ANO10: variants seen among roughly 807,000 people sequenced by gnomAD.
The protein encoded by ANO10 is anoctamin-10.
In ANO10, 77 loss-of-function variants were observed where a neutral mutation model predicts 74.7. The ratio of observed to expected loss-of-function variants is 1.03; its 90% CI spans 0.86 to 1.25. The LOEUF (loss-of-function observed/expected upper bound fraction) is 1.25, where lower values mean the gene tolerates loss of function less well. Ranked by LOEUF, ANO10 falls within the 50% of genes most tolerant of loss-of-function variation. The pLI is 0.00. For synonymous variants in ANO10, 279 were observed against 284.9 expected, an observed-to-expected ratio of 0.98 and a Z score of 0.21; for missense variants, 721 against 778.1, an observed-to-expected ratio of 0.93 and a Z score of 0.87.
In ANO10 at chr3:43,559,409, A is replaced by G. The variant is rs141945222; in HGVS notation, c.1476+1811T>C. ...AGAGAAAAAGAACAGCTGAAAGCAG[A>G]TTCTAATTGATTATAGAAAGAGAAG... On this transcript the variant is annotated intron_variant, in intron 9 of 12. Transcript: ENST00000292246. Among the ~76,000 whole-genome samples the G allele has an allele frequency of 2.7e-3, 412 of 152,368 alleles. 4 individuals are homozygous for G. The highest frequency in any genetic ancestry group is 4.6e-3 in the South Asian group (22 of 4,830).
At chr3:43,406,622 G>A (rs1344152778) in intron 12 of ANO10, among the ~76,000 whole-genome samples, 1 of 152,162 alleles carries the variant, frequency 6.6e-6, no homozygotes, top group Non-Finnish European at 1.5e-5. Context: ...TCATGACAAA[G>A]CATGCAGAAC....
chr3:43,423,100 ACAGT>A (rs149291802), intron 12 of ANO10, among the ~76,000 whole-genome samples: 5,790 of 150,522 alleles, frequency 0.038, 300 homozygotes, highest in African/African-American at 0.12. Context: ...GATGTCAATC[ACAGT>A]CAGATTTTTT....
At chr3:43,622,377 G>A (rs1311429206), upstream of ANO10, among the ~76,000 whole-genome samples, 1 of 152,220 alleles carries the variant, frequency 6.6e-6, no homozygotes, top group Non-Finnish European at 1.5e-5. Context: ...TCCGAGCCGG[G>A]GCGGCATGTG....
intron 11 of ANO10, among the ~76,000 whole-genome samples, chr3:43,434,568 G>A (rs909670988): frequency 3.3e-5 from 5 of 152,166 alleles, no homozygotes; most frequent in Middle Eastern, 3.2e-3. Context: ...TACATGACAT[G>A]ACAAAGTCAT....
At chr3:43,480,650 C>G in intron 11 of ANO10, among the ~76,000 whole-genome samples, 1 of 152,130 alleles carries the variant, frequency 6.6e-6, no homozygotes, top group East Asian at 1.9e-4. Flanking sequence ...AAACGAGAAG[C>G]CAAGTGAATT....
intron 8 of ANO10, 145 bp downstream of exon 8, chr3:43,565,508 T>A: frequency 2.6e-6 from 2 of 766,114 alleles, no homozygotes; most frequent in Non-Finnish European, 4.2e-6. Flanking sequence ...TCCTAATAAT[T>A]TTTTATTTAG....
At chr3:43,532,079 A>G (rs769080355) in intron 11 of ANO10, among the ~76,000 whole-genome samples, 1 of 152,172 alleles carries the variant, frequency 6.6e-6, no homozygotes, top group Non-Finnish European at 1.5e-5. Context: ...TACCTTGCCA[A>G]CAAGGAGAAG....
chr3:43,581,380 A>G (rs1243924779), intron 4 of ANO10, among the ~76,000 whole-genome samples: 1 of 152,260 alleles, frequency 6.6e-6, no homozygotes, highest in Non-Finnish European at 1.5e-5. Flanking sequence ...TCTGGAAGAG[A>G]CAAATGAATT....
intron 1 of ANO10, among the ~76,000 whole-genome samples, chr3:43,657,341 A>G (rs980994510): frequency 1.3e-5 from 2 of 152,226 alleles, no homozygotes; most frequent in African/African-American, 4.8e-5. Flanking sequence ...AGAGGCTTCA[A>G]TTTCCATTGG....
intron 4 of ANO10, among the ~76,000 whole-genome samples, chr3:43,590,476 T>C (rs2081681179): frequency 6.6e-6 from 1 of 152,054 alleles, no homozygotes; most frequent in Admixed American, 6.5e-5. Context: ...CTATTCCCCA[T>C]CATGTCTAAG....
chr3:43,677,583 T>C (rs2084139143), intron 1 of ANO10, among the ~76,000 whole-genome samples: 1 of 152,132 alleles, frequency 6.6e-6, no homozygotes, highest in Non-Finnish European at 1.5e-5. Context: ...ATTCTGTGGG[T>C]CAGTAATTCA....
chr3:43,406,761 C>T lies in ANO10; in HGVS notation c.1914+25850G>A, dbSNP rs188896062. 9.2e-5 allele frequency among the ~76,000 whole-genome samples: 14 copies of T among 152,312 alleles called. No individual in the cohort carries two copies. In the East Asian group the frequency reaches 2.1e-3, roughly 23 times the overall value. ...TGCCATGAACACTATGTTCCATTTA[C>T]GACATTCTAAATTCCCTCTCCATCT... On this transcript the variant is annotated intron_variant, in intron 12 of 12. Transcript: ENST00000292246.
intron 1 of ANO10, chr3:43,690,744 C>T (rs2084350307): frequency 4.7e-6 from 2 of 426,518 alleles, no homozygotes; most frequent in Admixed American, 9.0e-5. Context: ...GCTGACTGTC[C>T]CGCCCCGCGC....
At chr3:43,387,819 T>C (rs1349336789) in intron 12 of ANO10, among the ~76,000 whole-genome samples, 1 of 152,150 alleles carries the variant, frequency 6.6e-6, no homozygotes, top group Non-Finnish European at 1.5e-5. Context: ...GCACCTGCCC[T>C]AGCAGAAGTC....
chr3:43,566,806 C>T (rs1045785741), intron 7 of ANO10, among the ~76,000 whole-genome samples: 1 of 152,142 alleles, frequency 6.6e-6, no homozygotes, highest in Non-Finnish European at 1.5e-5. Flanking sequence ...AACGCAGTTC[C>T]TCAGCAACGG....
chr3:43,456,117 A>G (rs544718051), intron 11 of ANO10, among the ~76,000 whole-genome samples: 1 of 152,296 alleles, frequency 6.6e-6, no homozygotes, highest in South Asian at 2.1e-4. Flanking sequence ...CCACCCTGGG[A>G]ACCTGGGCTC....
intron 1 of ANO10, among the ~76,000 whole-genome samples, chr3:43,653,907 G>A (rs1434251818): frequency 6.9e-6 from 1 of 144,124 alleles, no homozygotes; most frequent in Non-Finnish European, 1.5e-5. Flanking sequence ...TCAGTGAGAT[G>A]CAAAGAGCAG....
At position 43,566,871 on chromosome 3, in the gene ANO10, G is replaced by A. The variant is rs537050602; in HGVS notation, c.1219-1144C>T. Among the ~76,000 whole-genome samples the A allele has an allele frequency of 2.5e-4, 38 of 152,272 alleles. No individual in the cohort carries two copies. The East Asian group carries it at 3.5e-3, about 14-fold the overall frequency. ...GAGCTGAGAGAAGAAGGCTTCAGAC[G>A]ATCAAATTACTCTGAGCTACGGGAG... On this transcript the variant is annotated intron_variant, in intron 7 of 12. Transcript: ENST00000292246.
intron 1 of ANO10, among the ~76,000 whole-genome samples, chr3:43,673,909 A>G (rs566573736): frequency 3.9e-5 from 6 of 152,122 alleles, no homozygotes; most frequent in Non-Finnish European, 8.8e-5. Flanking sequence ...TTGAAATTGT[A>G]CAATCAGATA....
Sources: allele counts gnomAD v4.1 joint callset (sites outside exome capture counted in the v4.1 genomes callset), GRCh38; gene constraint gnomAD v4.1.1; transcripts MANE v1.5; gene names NCBI Gene and HGNC (gene_info 2026-07-23, HGNC 2026-07-21).